PLD4: variants seen among roughly 807,000 people sequenced by gnomAD.
PLD4 encodes phospholipase D family member 4.
Under a neutral mutation model 52.3 loss-of-function variants are expected in PLD4, and 54 were observed. The observed-to-expected ratio is 1.03, with a 90% CI of 0.83 to 1.30. PLD4 has a LOEUF of 1.30. PLD4 is among the 50% of genes most tolerant of loss of function. The pLI is 0.00. For synonymous variants in PLD4, 264 were observed against 286.5 expected, an observed-to-expected ratio of 0.92 and a Z score of 0.79; for missense variants, 731 against 671.1, an observed-to-expected ratio of 1.09 and a Z score of -0.99.
At chr14:104,934,816 C>T (rs899801747), downstream of PLD4, 1 of 152,166 alleles carries the variant, frequency 6.6e-6, no homozygotes, top group Non-Finnish European at 1.5e-5. Flanking sequence ...CTTTTCTGTT[C>T]GATTAGTGAC....
chr14:104,933,242 G>A, downstream of PLD4: 1 of 378,538 alleles, frequency 2.6e-6, no homozygotes, highest in Non-Finnish European at 4.7e-6. Flanking sequence ...GCTTCCCGGT[G>A]CCTCTGTGTG....
intron 4 of PLD4, 60 bp downstream of exon 4, chr14:104,928,992 C>A: frequency 6.5e-7 from 1 of 1,540,732 alleles, no homozygotes; most frequent in Non-Finnish European, 8.8e-7. Flanking sequence ...GTCAGGCTGC[C>A]TATCTATGCA....
At chr14:104,931,360 C>T (rs537292862) in intron 7 of PLD4, among the ~76,000 whole-genome samples, 1 of 149,258 alleles carries the variant, frequency 6.7e-6, no homozygotes, top group Non-Finnish European at 1.5e-5. Flanking sequence ...TATCAGCCCA[C>T]GGGGGTGGGG....
intron 1 of PLD4, among the ~76,000 whole-genome samples, chr14:104,925,968 CTGTGGT>C (rs1485426652): frequency 1.3e-5 from 2 of 152,168 alleles, no homozygotes; most frequent in Non-Finnish European, 2.9e-5. Flanking sequence ...GGCCCGACTC[CTGTGGT>C]GTTCCTGGCA....
chr14:104,932,114 G>T lies in PLD4; in HGVS notation c.1161G>T (p.Met387Ile), dbSNP rs745428855. The T allele has an allele frequency of 1.2e-6, 2 of 1,611,406 alleles. No individual in the cohort carries two copies. Among genetic ancestry groups the T allele is most frequent in the South Asian group, 2.2e-5 (2 of 90,940 alleles). The change falls in exon 9 of 11, where the codon ATG becomes ATT. Residue 387 changes from methionine to isoleucine, a missense_variant. Physicochemically the swap from Met to Ile is conservative, Grantham distance 10. Transcript: ENST00000392593. The surrounding 1 kb of genome is among the most constrained non-coding windows in gnomAD (Gnocchi z 6.5). ...VGCGLNTDPT[M>I]FPYLRSLQAL... ...GCGGACTCAACACGGACCCCACCAT[G>T]TTCCCCTACCTGCGGTCCCTGCAGG...
chr14:104,935,814 T>C (rs1032681720), downstream of PLD4: 1 of 152,148 alleles, frequency 6.6e-6, no homozygotes, highest in Non-Finnish European at 1.5e-5. Context: ...AATCATCCCA[T>C]CCACAAGGAG....
At chr14:104,933,647 G>C, downstream of PLD4, 1 of 88,248 alleles carries the variant, frequency 1.1e-5, no homozygotes, top group Non-Finnish European at 2.2e-5. Context: ...CCGGGAGGGC[G>C]GGAGGGGACC....
chr14:104,933,327 G>C (rs2140806117), downstream of PLD4: 1 of 193,908 alleles, frequency 5.2e-6, no homozygotes, highest in Non-Finnish European at 1.0e-5. Flanking sequence ...AAACTGCGCC[G>C]CGCGACCGCC....
chr14:104,931,607 C>A (rs531315445), intron 7 of PLD4, 141 bp from the exon 8 acceptor site: 1 of 1,198,212 alleles, frequency 8.3e-7, no homozygotes, highest in Non-Finnish European at 1.1e-6. Context: ...GTTGAGCCGA[C>A]CCCTTCTTTC....
At chr14:104,926,534 C>T (rs1897461588) in intron 1 of PLD4, among the ~76,000 whole-genome samples, 1 of 152,234 alleles carries the variant, frequency 6.6e-6, no homozygotes, top group Non-Finnish European at 1.5e-5. Context: ...GCCGCCATCT[C>T]TGCCCTCTCC....
In PLD4 at chr14:104,931,831, C is replaced by T. The variant is rs770373129; in HGVS notation, c.1002C>T (p.Phe334=). The T allele has an allele frequency of 1.9e-6, 3 of 1,569,168 alleles. No individual in the cohort carries two copies. The highest frequency in any genetic ancestry group is 2.6e-6 in the Non-Finnish European group (3 of 1,156,076). Residue 334 remains phenylalanine, a synonymous_variant, in exon 8 of 11, where the codon TTC becomes TTT. Coordinates refer to ENST00000392593, the MANE Select transcript of PLD4 (RefSeq NM_138790.5). Reference sequence around the variant, plus strand: ...CGGTGATGGGGAGCGCCCAGGAGTTCATCTATGCCTCCGTGATGGAGTATT... The same window carrying T: ...CGGTGATGGGGAGCGCCCAGGAGTTTATCTATGCCTCCGTGATGGAGTATT... ...LLAVMGSAQE[F]IYASVMEYFP...
chr14:104,931,073 A>G, intron 7 of PLD4, 131 bp downstream of exon 7: 1 of 1,042,592 alleles, frequency 9.6e-7, no homozygotes, highest in Non-Finnish European at 1.4e-6. Context: ...AGCCAGCACC[A>G]TGGGTGGGGC....
chr14:104,932,351 C>T lies in PLD4; in HGVS notation c.1317C>T (p.Tyr439=), dbSNP rs1266614604. Reference sequence around the variant, plus strand: ...TCATGGTCACGGAGAAGGCAGCCTACATAGGTGAGCGCGATCAGATCACGG... The same window carrying T: ...TCATGGTCACGGAGAAGGCAGCCTATATAGGTGAGCGCGATCAGATCACGG... The part of the protein sequence containing the change: ...SKFMVTEKAA[Y]IGTSNWSEDY... The change falls in exon 10 of 11, where the codon TAC becomes TAT. Residue 439 remains tyrosine (Y), a synonymous_variant. Transcript: ENST00000392593. This position sits in a 1 kb window ranked among gnomAD's most constrained non-coding sequence, Gnocchi z 6.5. 5 of 1,612,508 alleles carry T rather than the reference C, an allele frequency of 3.1e-6. No individual in the cohort carries two copies. The South Asian group carries it at 5.5e-5, about 18-fold the overall frequency.
chr14:104,930,961 G>A lies in PLD4; in HGVS notation c.918+19G>A. 1.2e-6 allele frequency: 2 copies of A among 1,608,554 alleles called. No individual in the cohort carries two copies. The highest frequency in any genetic ancestry group is 8.5e-7 in the Non-Finnish European group (1 of 1,175,964). ...CTTCTCAGTAAGACGGGTTGAGAAGGAGCCCATCAGAGGCCCCTGTTCTCC... is the reference window on the plus strand; with the variant it reads ...CTTCTCAGTAAGACGGGTTGAGAAGAAGCCCATCAGAGGCCCCTGTTCTCC... On this transcript the variant is annotated intron_variant, in intron 7 of 10. Transcript: ENST00000392593.
intron 5 of PLD4, 138 bp from the exon 6 acceptor site, chr14:104,929,840 T>G: frequency 6.0e-5 from 60 of 1,006,574 alleles, no homozygotes; most frequent in Middle Eastern, 2.1e-4. Context: ...AAAATGGGGA[T>G]GAGGATAGCA....
At chr14:104,927,545 A>G (rs1595377385) in intron 2 of PLD4, 128 bp from the exon 3 acceptor site, 1 of 1,081,106 alleles carries the variant, frequency 9.2e-7, no homozygotes, top group Non-Finnish European at 1.3e-6. Context: ...CCCTAGTCCC[A>G]CCCCAGTGGC....
In PLD4 at chr14:104,927,788, C is replaced by T; in HGVS notation, c.206C>T (p.Pro69Leu). 6.3e-7 allele frequency: 1 copy of T among 1,599,144 alleles called. No individual in the cohort carries two copies. Among genetic ancestry groups the T allele is most frequent in the Non-Finnish European group, 8.5e-7 (1 of 1,177,494 alleles). ...GGCCAGGTGCAGCCCAAGGACGTGCCCAGGTCCTGGGAGCATGGCTCCAGC... is the reference window on the plus strand; with the variant it reads ...GGCCAGGTGCAGCCCAAGGACGTGCTCAGGTCCTGGGAGCATGGCTCCAGC... The part of the protein sequence containing the change: ...TWGQVQPKDV[P>L]RSWEHGSSPA... The change falls in exon 3 of 11, where the codon CCC becomes CTC. Residue 69 changes from proline (P) to leucine (L), a missense_variant. Transcript: ENST00000392593.
intron 6 of PLD4, 170 bp from the exon 7 acceptor site, chr14:104,930,572 T>A: frequency 1.5e-6 from 1 of 663,680 alleles, no homozygotes; most frequent in Non-Finnish European, 2.6e-6. Context: ...CGCTGGGCAC[T>A]CCTCCCACCA....
chr14:104,932,141 G>A lies in PLD4; in HGVS notation c.1188G>A (p.Ala396=). ...TMFPYLRSLQ[A]LSNPAANVSV... ...TCCCCTACCTGCGGTCCCTGCAGGC[G>A]CTCAGCAACCCCGCGGCCAACGTCT... The change falls in exon 9 of 11, where the codon GCG becomes GCA. Residue 396 remains alanine, a synonymous_variant. Coordinates refer to ENST00000392593, the MANE Select transcript of PLD4 (RefSeq NM_138790.5). The surrounding 1 kb of genome is among the most constrained non-coding windows in gnomAD (Gnocchi z 6.5). 6.2e-7 allele frequency: 1 copy of A among 1,611,260 alleles called. No individual in the cohort carries two copies. Among genetic ancestry groups the A allele is most frequent in the Non-Finnish European group, 8.5e-7 (1 of 1,179,216 alleles).
Sources: gnomAD v4.1 joint callset for allele counts (sites outside exome capture counted in the v4.1 genomes callset) on GRCh38, gnomAD v4.1.1 for gene constraint, Gnocchi (gnomAD v3.1) non-coding constraint, MANE v1.5 for transcripts, NCBI Gene and HGNC (gene_info 2026-07-23, HGNC 2026-07-21) for gene names.